ST18: variants seen among roughly 807,000 people sequenced by gnomAD.
ST18 encodes the protein ST18 C2H2C-type zinc finger transcription factor.
A neutral mutation model predicts 110.0 loss-of-function variants in ST18; 50 were observed. That is an observed-to-expected ratio of 0.45 (90% CI 0.36 to 0.58). The LOEUF (loss-of-function observed/expected upper bound fraction) is 0.58. ST18 is among the 20% of genes least tolerant of loss of function. The pLI, the probability that ST18 is intolerant of heterozygous loss-of-function variation, is 0.00. For missense variants in ST18, 1,306 were observed against 1,280.1 expected, an observed-to-expected ratio of 1.02 and a Z score of -0.31; for synonymous variants, 461 against 452.4, an observed-to-expected ratio of 1.02 and a Z score of -0.24.
At chr8:52,165,758 G>A (rs1033469652) in intron 11 of ST18, among the ~76,000 whole-genome samples, 1 of 152,320 alleles carries the variant, frequency 6.6e-6, no homozygotes, top group African/African-American at 2.4e-5. Flanking sequence ...TAAACTGGCA[G>A]GACAGCACTG....
At chr8:52,340,611 C>T (rs1189005868) in intron 2 of ST18, among the ~76,000 whole-genome samples, 5 of 152,162 alleles carry the variant, frequency 3.3e-5, no homozygotes, top group Admixed American at 6.5e-5. Flanking sequence ...ATAGATGATT[C>T]GCACTCATTC....
At chr8:52,274,365 T>C (rs2095170705) in intron 2 of ST18, among the ~76,000 whole-genome samples, 1 of 152,146 alleles carries the variant, frequency 6.6e-6, no homozygotes, top group South Asian at 2.1e-4. Flanking sequence ...TGTATATACA[T>C]ATATATGTTA....
At chr8:52,243,437 T>C (rs948681964) in intron 2 of ST18, among the ~76,000 whole-genome samples, 2 of 152,152 alleles carry the variant, frequency 1.3e-5, no homozygotes, top group Non-Finnish European at 1.5e-5. Context: ...CATTTGACAC[T>C]ATATTGCTGA....
chr8:52,159,237 A>T, intron 14 of ST18, 128 bp from the exon 15 acceptor site: 1 of 846,636 alleles, frequency 1.2e-6, no homozygotes, highest in Non-Finnish European at 1.8e-6. Context: ...ACGTTCCATT[A>T]TCCATGGGAA....
intron 22 of ST18, among the ~76,000 whole-genome samples, chr8:52,130,818 T>C (rs1216560173): frequency 6.6e-6 from 1 of 152,222 alleles, no homozygotes; most frequent in Non-Finnish European, 1.5e-5. Context: ...CAGTACAGCA[T>C]TAATATTTCA....
intron 8 of ST18, among the ~76,000 whole-genome samples, chr8:52,189,605 G>A (rs1257159474): frequency 6.6e-6 from 1 of 152,160 alleles, no homozygotes; most frequent in Non-Finnish European, 1.5e-5. Flanking sequence ...AGTTCCCAAT[G>A]GTGAAGGTCT....
At chr8:52,367,435 T>G (rs1021125483) in intron 2 of ST18, among the ~76,000 whole-genome samples, 11 of 151,808 alleles carry the variant, frequency 7.2e-5, no homozygotes, top group Non-Finnish European at 1.3e-4. Flanking sequence ...AAAATAAAAC[T>G]TAAAAATTAA....
At chr8:52,362,028 T>A (rs949313931) in intron 2 of ST18, among the ~76,000 whole-genome samples, 6 of 152,226 alleles carry the variant, frequency 3.9e-5, no homozygotes, top group Admixed American at 3.3e-4. Context: ...ATATTCTAGT[T>A]CAAAATTTTA....
At chr8:52,297,976 C>A (rs528607399) in intron 2 of ST18, among the ~76,000 whole-genome samples, 1 of 152,332 alleles carries the variant, frequency 6.6e-6, no homozygotes, top group East Asian at 1.9e-4. Context: ...GTGACATTCC[C>A]TTTATGTTAT....
chr8:52,143,999 A>C (rs1196844054), intron 16 of ST18, among the ~76,000 whole-genome samples: 1 of 152,110 alleles, frequency 6.6e-6, no homozygotes, highest in Non-Finnish European at 1.5e-5. Flanking sequence ...ATCTTGTAGC[A>C]CTTTCACTCC....
intron 2 of ST18, among the ~76,000 whole-genome samples, chr8:52,334,540 T>C (rs1279038296): frequency 2.0e-5 from 3 of 152,190 alleles, no homozygotes; most frequent in Non-Finnish European, 4.4e-5. Context: ...TTTATTTAGT[T>C]TTCTTTTTGT....
At chr8:52,267,501 A>G (rs1370833816) in intron 2 of ST18, among the ~76,000 whole-genome samples, 4 of 149,918 alleles carry the variant, frequency 2.7e-5, no homozygotes, top group African/African-American at 9.8e-5. Flanking sequence ...AAAAAAAAAA[A>G]AAACCCAAAA....
At chr8:52,288,895 T>G (rs2139302821) in intron 2 of ST18, among the ~76,000 whole-genome samples, 1 of 152,134 alleles carries the variant, frequency 6.6e-6, no homozygotes, top group Non-Finnish European at 1.5e-5. Flanking sequence ...TGAGAAATCT[T>G]GGCAGTGTGG....
In ST18 at chr8:52,307,753, T is replaced by C. The variant is rs2095838580; in HGVS notation, c.-464-77676A>G. Among the ~76,000 whole-genome samples the C allele has an allele frequency of 1.3e-5, 2 of 152,224 alleles. 1 individual carries two copies. The highest frequency in any genetic ancestry group is 4.1e-4 in the South Asian group (2 of 4,830). On this transcript the variant is annotated intron_variant, in intron 2 of 25. Transcript: ENST00000689386. ...TTAATGCTGTGTACATGTGTCTGTATTTTCTTAGTTATTACAGTAGCCTAA... is the reference window on the plus strand; with the variant it reads ...TTAATGCTGTGTACATGTGTCTGTACTTTCTTAGTTATTACAGTAGCCTAA...
chr8:52,222,984 A>G (rs2087550426), intron 3 of ST18, among the ~76,000 whole-genome samples: 1 of 152,202 alleles, frequency 6.6e-6, no homozygotes, highest in Non-Finnish European at 1.5e-5. Flanking sequence ...GGAATCTTAA[A>G]AAAAGGAAAT....
chr8:52,117,175 C>A (rs555853582), intron 24 of ST18, among the ~76,000 whole-genome samples: 1 of 152,184 alleles, frequency 6.6e-6, no homozygotes. Context: ...CACTCACCTG[C>A]GGCCACACTT....
chr8:52,350,801 A>G (rs1422790986), intron 2 of ST18, among the ~76,000 whole-genome samples: 4 of 151,724 alleles, frequency 2.6e-5, no homozygotes, highest in Non-Finnish European at 2.9e-5. Flanking sequence ...GCTCACTGCA[A>G]CCTCTGCCTC....
intron 2 of ST18, among the ~76,000 whole-genome samples, chr8:52,362,361 A>G (rs1826071565): frequency 6.6e-6 from 1 of 152,246 alleles, no homozygotes; most frequent in South Asian, 2.1e-4. Flanking sequence ...ATCAGTGACT[A>G]GCAGTCTTAG....
intron 13 of ST18, among the ~76,000 whole-genome samples, chr8:52,161,944 T>C (rs1329649004): frequency 6.6e-6 from 1 of 152,240 alleles, no homozygotes; most frequent in Non-Finnish European, 1.5e-5. Context: ...GTGCGGTGGC[T>C]TACGCCTATA....
Sources: gnomAD v4.1 joint callset for allele counts (sites outside exome capture counted in the v4.1 genomes callset) on GRCh38, gnomAD v4.1.1 for gene constraint, MANE v1.5 for transcripts, NCBI Gene and HGNC (gene_info 2026-07-23, HGNC 2026-07-21) for gene names.